The following HTT-AS variants were observed in gnomAD, a reference collection of about 807,000 sequenced individuals.
The protein encoded by HTT-AS is HTT antisense RNA, also known as HTT antisense RNA (head to head).
chr4:3,057,703 G>A (rs569641358), intron 2 of HTT-AS, among the ~76,000 whole-genome samples: 6 of 151,888 alleles, frequency 4.0e-5, no homozygotes, highest in South Asian at 2.1e-4. Context: ...TGGCGATCTC[G>A]GCTCACTGCA....
chr4:3,057,865 C>T (rs113131391), intron 2 of HTT-AS, among the ~76,000 whole-genome samples: 2,663 of 150,416 alleles, frequency 0.018, 34 homozygotes, highest in Middle Eastern at 0.032. Context: ...CCTTGTGATC[C>T]GCCCGCCTCA....
At chr4:3,070,588 A>G (rs1053713456) in intron 1 of HTT-AS, among the ~76,000 whole-genome samples, 3 of 151,888 alleles carry the variant, frequency 2.0e-5, no homozygotes, top group African/African-American at 7.3e-5. Flanking sequence ...CTGCGCCTTC[A>G]TCTCTCTTCT....
Position 3,066,458 on chromosome 4 carries a change from G to A in HTT-AS, n.114-2758C>T, listed in dbSNP as rs554478385. Reference sequence around the variant, plus strand: ...GCTGGGATTATAGGCGTGACCCACCGTGCCCCGTCTGAGCTAAGCCTCTTG... The same window carrying A: ...GCTGGGATTATAGGCGTGACCCACCATGCCCCGTCTGAGCTAAGCCTCTTG... On this transcript the variant is annotated intron_variant and non_coding_transcript_variant, in intron 1 of 2. Coordinates refer to ENST00000664062, the Ensembl canonical transcript of HTT-AS. Among the ~76,000 whole-genome samples, 14 of 152,152 alleles carry A rather than the reference G, an allele frequency of 9.2e-5. 1 individual carries two copies. The South Asian group carries it at 2.9e-3, about 32-fold the overall frequency.
intron 1 of HTT-AS, among the ~76,000 whole-genome samples, chr4:3,070,637 G>T (rs959182429): frequency 6.6e-6 from 1 of 152,078 alleles, no homozygotes; most frequent in African/African-American, 2.4e-5. Flanking sequence ...AATGGGGGAC[G>T]TTATCAGGCT....
At chr4:3,046,172 G>A (rs114217311), downstream of HTT-AS, among the ~76,000 whole-genome samples, 2,006 of 152,290 alleles carry the variant, frequency 0.013, 23 homozygotes, top group Non-Finnish European at 0.02. Flanking sequence ...AGCAATGAAC[G>A]ATTCACGAAT....
intron 2 of HTT-AS, among the ~76,000 whole-genome samples, chr4:3,061,273 G>A (rs182962940): frequency 2.2e-4 from 33 of 152,332 alleles, no homozygotes; most frequent in Admixed American, 1.2e-3. Context: ...CATTGGTTCC[G>A]TCCAGAAAGG....
At chr4:3,074,513 C>CT in exon 1 of HTT-AS, 1 of 276,474 alleles carries the variant, frequency 3.6e-6, no homozygotes, top group Non-Finnish European at 6.5e-6. Flanking sequence ...AGCGGCCTTG[C>CT]TGTGTGAGGC....
At chr4:3,062,565 G>A (rs184940323) in exon 2 of HTT-AS, among the ~76,000 whole-genome samples, 20 of 152,004 alleles carry the variant, frequency 1.3e-4, no homozygotes, top group Admixed American at 3.9e-4. Context: ...GTCTCCCTTC[G>A]GCTCATTCTC....
At chr4:3,073,159 G>A (rs1334888871) in intron 1 of HTT-AS, among the ~76,000 whole-genome samples, 1 of 152,242 alleles carries the variant, frequency 6.6e-6, no homozygotes, top group African/African-American at 2.4e-5. Context: ...CAGGCTCTGA[G>A]ACAAGGCGGA....
intron 2 of HTT-AS, among the ~76,000 whole-genome samples, chr4:3,057,976 G>A (rs1043832239): frequency 1.1e-4 from 17 of 151,742 alleles, no homozygotes; most frequent in African/African-American, 2.9e-4. Flanking sequence ...TGAGTTTTCC[G>A]TGAAAGGGGT....
intron 2 of HTT-AS, among the ~76,000 whole-genome samples, chr4:3,052,862 G>T (rs964508628): frequency 6.6e-6 from 1 of 152,188 alleles, no homozygotes; most frequent in Admixed American, 6.5e-5. Context: ...CGGGCATGGC[G>T]GCATGCGCCT....
chr4:3,050,740 T>C (rs936406133), intron 2 of HTT-AS, among the ~76,000 whole-genome samples: 5 of 152,198 alleles, frequency 3.3e-5, no homozygotes, highest in African/African-American at 1.2e-4. Flanking sequence ...TTTTGGAACA[T>C]ATATTAATAT....
chr4:3,060,880 C>T (rs948588022), intron 2 of HTT-AS, among the ~76,000 whole-genome samples: 6 of 152,182 alleles, frequency 3.9e-5, no homozygotes, highest in African/African-American at 1.4e-4. Context: ...AAACATTATG[C>T]CTGGTCCAAC....
chr4:3,053,532 CAAAATA>C (rs916710659), intron 2 of HTT-AS, among the ~76,000 whole-genome samples: 10 of 150,104 alleles, frequency 6.7e-5, no homozygotes, highest in African/African-American at 2.2e-4. Context: ...GACTCTGTCT[CAAAATA>C]AAAATAAAAA....
intron 1 of HTT-AS, among the ~76,000 whole-genome samples, chr4:3,065,280 C>T (rs1423606812): frequency 6.6e-6 from 1 of 151,508 alleles, no homozygotes; most frequent in African/African-American, 2.4e-5. Context: ...TGCTCTGTTG[C>T]CAGGCTGGAG....
downstream of HTT-AS, among the ~76,000 whole-genome samples, chr4:3,048,320 T>A (rs1307421742): frequency 1.3e-5 from 2 of 152,362 alleles, no homozygotes; most frequent in Admixed American, 1.3e-4. Context: ...GGTTACGGTG[T>A]CCTCATGGTC....
intron 1 of HTT-AS, among the ~76,000 whole-genome samples, chr4:3,068,406 A>C (rs1043186229): frequency 2.0e-5 from 3 of 152,072 alleles, no homozygotes; most frequent in Non-Finnish European, 4.4e-5. Flanking sequence ...AAATCCGTGA[A>C]GAAGGAAGGC....
chr4:3,074,124 C>T (rs1292510783), intron 1 of HTT-AS, among the ~76,000 whole-genome samples: 1 of 132,360 alleles, frequency 7.6e-6, no homozygotes, highest in East Asian at 2.4e-4. Context: ...CGCCCCCAGC[C>T]TCCCCACCCC....
chr4:3,062,952 T>C (rs1711970338), exon 2 of HTT-AS, among the ~76,000 whole-genome samples: 1 of 152,168 alleles, frequency 6.6e-6, no homozygotes, highest in Admixed American at 6.5e-5. Context: ...GAAAGACCTA[T>C]GTCCCAGTCC....
Sources: gnomAD v4.1 joint callset for allele counts (sites outside exome capture counted in the v4.1 genomes callset) on GRCh38, gnomAD v4.1.1 for gene constraint, MANE v1.5 for transcripts, NCBI Gene and HGNC (gene_info 2026-07-23, HGNC 2026-07-21) for gene names.